The following UBTD2 variants were observed in gnomAD, a reference collection of about 807,000 sequenced individuals.
UBTD2 encodes ubiquitin domain containing 2.
UBTD2 carries 9 observed loss-of-function variants against 19.8 expected under a neutral mutation model. The observed-to-expected ratio is 0.46, with a 90% CI of 0.27 to 0.79. The LOEUF is 0.79. UBTD2 is among the 30% of genes least tolerant of loss of function. The pLI is 0.14. For synonymous variants in UBTD2, 98 were observed against 103.9 expected (o/e 0.94, Z 0.35); for missense variants, 250 against 300.4 (o/e 0.83, Z 1.24).
chr5:172,280,591 G>C (rs1266257443), intron 1 of UBTD2, among the ~76,000 whole-genome samples: 1 of 151,344 alleles, frequency 6.6e-6, no homozygotes, highest in East Asian at 1.9e-4. Context: ...GTTCAAGGCT[G>C]CAGTAATCTA....
chr5:172,267,561 G>A (rs1245820166), intron 1 of UBTD2, among the ~76,000 whole-genome samples: 1 of 152,090 alleles, frequency 6.6e-6, no homozygotes, highest in African/African-American at 2.4e-5. Context: ...AACAATACTC[G>A]GAGAAAATAT....
chr5:172,273,297 A>G (rs1755535758), intron 1 of UBTD2, among the ~76,000 whole-genome samples: 1 of 152,014 alleles, frequency 6.6e-6, no homozygotes, highest in Non-Finnish European at 1.5e-5. Context: ...ATTCTTTTTA[A>G]AAATGCCTTC....
intron 2 of UBTD2, among the ~76,000 whole-genome samples, chr5:172,218,775 CAAAAA>C (rs1196929218): frequency 4.0e-5 from 2 of 50,488 alleles, no homozygotes; most frequent in African/African-American, 1.4e-4. Flanking sequence ...ACCCTGTCAC[CAAAAA>C]AAAAAAAAAT....
intron 1 of UBTD2, among the ~76,000 whole-genome samples, chr5:172,266,273 GA>G (rs1755375191): frequency 6.6e-6 from 1 of 152,170 alleles, no homozygotes. Context: ...GAAACAGCAC[GA>G]AAGCCCTAAG....
chr5:172,272,043 A>G (rs1354891777), intron 1 of UBTD2, among the ~76,000 whole-genome samples: 3 of 152,202 alleles, frequency 2.0e-5, no homozygotes, highest in Admixed American at 1.3e-4. Context: ...TCACATGTAA[A>G]TATTTCATTT....
chr5:172,253,149 G>A (rs1755062650), intron 1 of UBTD2, among the ~76,000 whole-genome samples: 2 of 152,018 alleles, frequency 1.3e-5, no homozygotes, highest in South Asian at 4.1e-4. Context: ...CCTGCCTCAG[G>A]ATCCCAAAGT....
rs929594714 is a variant in UBTD2, at chr5:172,210,459, G to T, written c.*1371C>A. The T allele has an allele frequency of 1.3e-5, 2 of 152,060 alleles. No homozygotes were observed. Among genetic ancestry groups the T allele is most frequent in the Non-Finnish European group, 2.9e-5 (2 of 68,016 alleles). The allele number at this position is 152,060 out of a possible 1,614,324, so 9.4% of individuals were successfully genotyped here. ...ATGTTAGCCCCCCTTCTCACTTATG[G>T]AACCAACTTTTAAAAGGCTCCAAAT... On this transcript the variant is annotated 3_prime_UTR_variant, in exon 3 of 3. Transcript: ENST00000393792.
chr5:172,265,631 T>C (rs944066430), intron 1 of UBTD2, among the ~76,000 whole-genome samples: 2 of 152,018 alleles, frequency 1.3e-5, no homozygotes, highest in Non-Finnish European at 2.9e-5. Context: ...GCCTGGCCAC[T>C]GAGTAGTAAA....
At chr5:172,224,101 G>A (rs1771711835) in intron 2 of UBTD2, among the ~76,000 whole-genome samples, 1 of 151,896 alleles carries the variant, frequency 6.6e-6, no homozygotes, top group Non-Finnish European at 1.5e-5. Context: ...AGGAGTGTGT[G>A]AAAAAAATGA....
intron 1 of UBTD2, among the ~76,000 whole-genome samples, chr5:172,282,847 C>A (rs1755745438): frequency 6.6e-6 from 1 of 152,156 alleles, no homozygotes; most frequent in African/African-American, 2.4e-5. Flanking sequence ...AAGTACTGAT[C>A]TTACTGGGTG....
At chr5:172,221,813 T>C (rs911065511) in intron 2 of UBTD2, among the ~76,000 whole-genome samples, 1 of 152,296 alleles carries the variant, frequency 6.6e-6, no homozygotes, top group African/African-American at 2.4e-5. Flanking sequence ...ACCCACAGAA[T>C]GTACAACACC....
chr5:172,257,041 T>C (rs188111069), intron 1 of UBTD2, among the ~76,000 whole-genome samples: 5 of 152,268 alleles, frequency 3.3e-5, no homozygotes, highest in African/African-American at 9.6e-5. Flanking sequence ...GTTACGTGGG[T>C]AAATTGAATG....
At chr5:172,255,970 T>A (rs1007786539) in intron 1 of UBTD2, among the ~76,000 whole-genome samples, 1 of 151,970 alleles carries the variant, frequency 6.6e-6, no homozygotes, top group African/African-American at 2.4e-5. Flanking sequence ...ATACCTGTAA[T>A]CCCAGCTACT....
At chr5:172,224,570 C>A (rs973548187) in intron 2 of UBTD2, among the ~76,000 whole-genome samples, 2 of 152,130 alleles carry the variant, frequency 1.3e-5, no homozygotes. Flanking sequence ...GGATTACAGG[C>A]ATGAGCCACT....
chr5:172,227,605 G>T (rs1010931770), intron 2 of UBTD2, among the ~76,000 whole-genome samples: 5 of 150,144 alleles, frequency 3.3e-5, no homozygotes, highest in African/African-American at 1.2e-4. Context: ...GGATGGTCTC[G>T]ATCTCCTGAC....
intron 2 of UBTD2, among the ~76,000 whole-genome samples, chr5:172,229,983 A>G (rs1284788854): frequency 6.6e-6 from 1 of 152,220 alleles, no homozygotes; most frequent in Non-Finnish European, 1.5e-5. Context: ...AAGCTCTTCA[A>G]GAAATGTAAG....
At chr5:172,222,625 GGT>G (rs1374112184) in intron 2 of UBTD2, among the ~76,000 whole-genome samples, 1 of 152,156 alleles carries the variant, frequency 6.6e-6, no homozygotes, top group Admixed American at 6.6e-5. Flanking sequence ...CTGTAGAAAT[GGT>G]GTGTTCTGGG....
chr5:172,245,083 AAC>A (rs771957206), intron 1 of UBTD2, among the ~76,000 whole-genome samples: 2 of 152,166 alleles, frequency 1.3e-5, no homozygotes, highest in African/African-American at 4.8e-5. Context: ...GTGGACACAT[AAC>A]ACTCAATAAG....
At chr5:172,283,792 G>C (rs1755776869), upstream of UBTD2, 2 of 545,530 alleles carry the variant, frequency 3.7e-6, no homozygotes. The surrounding 1 kb of genome is among the most constrained non-coding windows in gnomAD (Gnocchi z 4.3). Flanking sequence ...CGCCCGCCGC[G>C]GCCCAGCCTC....
Sources: gnomAD v4.1 joint callset for allele counts (sites outside exome capture counted in the v4.1 genomes callset) on GRCh38, gnomAD v4.1.1 for gene constraint, Gnocchi (gnomAD v3.1) non-coding constraint, MANE v1.5 for transcripts, NCBI Gene and HGNC (gene_info 2026-07-23, HGNC 2026-07-21) for gene names.